The following NETO1 variants were observed in gnomAD, a reference collection of about 807,000 sequenced individuals.
NETO1 encodes the protein neuropilin and tolloid like 1, also known as neuropilin and tolloid-like protein 1.
In NETO1, 26 loss-of-function variants were observed where a neutral mutation model predicts 61.3. The ratio of observed to expected loss-of-function variants is 0.42; its 90% CI spans 0.31 to 0.59. NETO1 has a LOEUF of 0.59. Ranked by LOEUF, NETO1 falls within the 20% of genes least tolerant of loss-of-function variation. The pLI is 0.12. For missense variants in NETO1, 531 were observed against 662.8 expected (o/e 0.80, Z 2.18); for synonymous variants, 225 against 225.8 (o/e 1.00, Z 0.03).
intron 7 of NETO1, among the ~76,000 whole-genome samples, chr18:72,762,311 C>A (rs2071003567): frequency 6.6e-6 from 1 of 152,032 alleles, no homozygotes. Context: ...CAGGCATGCA[C>A]CACCACGCCC....
At chr18:72,768,688 A>G (rs2071245426) in intron 7 of NETO1, among the ~76,000 whole-genome samples, 1 of 152,196 alleles carries the variant, frequency 6.6e-6, no homozygotes, top group African/African-American at 2.4e-5. Context: ...GCAAATCACA[A>G]AGGCACACAA....
At chr18:72,761,894 T>C (rs756098238) in intron 7 of NETO1, among the ~76,000 whole-genome samples, 3 of 152,132 alleles carry the variant, frequency 2.0e-5, no homozygotes, top group African/African-American at 7.2e-5. Flanking sequence ...CTAAGAAATA[T>C]GGTATGTTAG....
chr18:72,828,356 A>G (rs1043763588), intron 4 of NETO1, among the ~76,000 whole-genome samples: 1 of 152,188 alleles, frequency 6.6e-6, no homozygotes, highest in Admixed American at 6.5e-5. Context: ...CAGAAGCAAC[A>G]TCATCATACA....
Position 72,864,815 on chromosome 18 carries a change from G to A in NETO1, c.213C>T (p.Ile71=), listed in dbSNP as rs2074684437. Residue 71 remains isoleucine (I), a synonymous_variant, in exon 3 of 11, where the codon ATC becomes ATT. Coordinates refer to ENST00000327305, the MANE Select transcript of NETO1 (RefSeq NM_138966.5). ...KYPPDRECIY[I]IEAAPRQCIE... ...GGCACTGTCTCCCCTTACCTTCTAT[G>A]ATGTAGATGCATTCCCGGTCAGGGG... 1.2e-6 allele frequency: 2 copies of A among 1,613,746 alleles called. No individual in the cohort carries two copies. Among genetic ancestry groups the A allele is most frequent in the Non-Finnish European group, 1.7e-6 (2 of 1,179,914 alleles).
At chr18:72,831,770 T>A (rs2073587790) in intron 4 of NETO1, among the ~76,000 whole-genome samples, 1 of 152,046 alleles carries the variant, frequency 6.6e-6, no homozygotes, top group African/African-American at 2.4e-5. Context: ...ATTACGTTTC[T>A]GTGCAAAGCT....
At chr18:72,836,568 A>G (rs1172770622) in intron 4 of NETO1, among the ~76,000 whole-genome samples, 2 of 152,236 alleles carry the variant, frequency 1.3e-5, no homozygotes, top group African/African-American at 4.8e-5. Flanking sequence ...TAATAAATGT[A>G]TAAATAAATG....
At chr18:72,787,845 G>A (rs992128280) in intron 6 of NETO1, among the ~76,000 whole-genome samples, 4 of 152,092 alleles carry the variant, frequency 2.6e-5, no homozygotes, top group Non-Finnish European at 5.9e-5. Flanking sequence ...AGCCCAGAAA[G>A]AAAGTTATAT....
At chr18:72,865,946 G>C (rs1343146442) in intron 1 of NETO1, among the ~76,000 whole-genome samples, 4 of 152,184 alleles carry the variant, frequency 2.6e-5, no homozygotes, top group Non-Finnish European at 5.9e-5. Context: ...TGAGAAACGT[G>C]ATTTCCGAAA....
intron 4 of NETO1, chr18:72,834,437 A>G: frequency 3.1e-6 from 3 of 979,120 alleles, no homozygotes; most frequent in Non-Finnish European, 3.6e-6. Context: ...TTTAAAAAGA[A>G]CACAGAAAAA....
chr18:72,807,509 G>C (rs2145177668), intron 4 of NETO1, among the ~76,000 whole-genome samples: 1 of 152,226 alleles, frequency 6.6e-6, no homozygotes, highest in Non-Finnish European at 1.5e-5. Flanking sequence ...TATAACACGA[G>C]TACACAGAAG....
At chr18:72,799,441 T>A (rs1021158966) in intron 4 of NETO1, among the ~76,000 whole-genome samples, 2 of 152,250 alleles carry the variant, frequency 1.3e-5, no homozygotes, top group African/African-American at 2.4e-5. Context: ...AGTCTTTGAA[T>A]GATTACATAT....
chr18:72,863,481 C>T (rs1335949002), intron 3 of NETO1, among the ~76,000 whole-genome samples: 4 of 152,132 alleles, frequency 2.6e-5, no homozygotes, highest in Non-Finnish European at 5.9e-5. Flanking sequence ...AGGCAGGTAG[C>T]GAGTACCTTT....
chr18:72,809,456 A>T (rs2072789762), intron 4 of NETO1, among the ~76,000 whole-genome samples: 1 of 152,210 alleles, frequency 6.6e-6, no homozygotes, highest in African/African-American at 2.4e-5. Context: ...GGGGTAAAAA[A>T]TATCAACCAG....
chr18:72,865,236 C>T lies in NETO1; in HGVS notation c.34G>A (p.Ala12Thr), dbSNP rs146855996. 6,109 of 1,611,914 alleles carry T rather than the reference C, an allele frequency of 3.8e-3. 34 individuals are homozygous for T. The highest frequency in any genetic ancestry group is 4.3e-3 in the Non-Finnish European group (5,070 of 1,178,666). ...GACAAATGGAGGATGATTAAACTTG[C>T]TACAACTGAAACAGAAAAGAAAAAT... is the stretch of plus-strand genomic sequence containing the variant. ...IHGRSVLHIVASLIILHLSGA... is the reference protein window; with the variant it reads ...IHGRSVLHIVTSLIILHLSGA... Residue 12 changes from alanine to threonine, a missense_variant, in exon 2 of 11, where the codon GCA (alanine) becomes ACA (threonine). Ala to Thr is a moderately conservative substitution (Grantham distance 58). Coordinates refer to ENST00000327305, the MANE Select transcript of NETO1 (RefSeq NM_138966.5).
chr18:72,786,980 A>T (rs1190527425), intron 6 of NETO1, among the ~76,000 whole-genome samples: 1 of 151,290 alleles, frequency 6.6e-6, no homozygotes, highest in Non-Finnish European at 1.5e-5. Context: ...CCAGGATCAT[A>T]AGTGAATTAA....
chr18:72,790,395 T>C (rs976274875), intron 6 of NETO1, among the ~76,000 whole-genome samples: 6 of 152,138 alleles, frequency 3.9e-5, no homozygotes, highest in African/African-American at 1.4e-4. Context: ...CCTCAAAGAA[T>C]GTGGTTTTGT....
At chr18:72,795,291 C>T (rs1392258697) in intron 4 of NETO1, among the ~76,000 whole-genome samples, 1 of 152,128 alleles carries the variant, frequency 6.6e-6, no homozygotes, top group Non-Finnish European at 1.5e-5. Context: ...AAGGTGTATA[C>T]CATTTTTCTG....
chr18:72,758,888 A>C (rs1468959618), intron 7 of NETO1, among the ~76,000 whole-genome samples: 1 of 152,116 alleles, frequency 6.6e-6, no homozygotes, highest in African/African-American at 2.4e-5. Context: ...GCAATGTATA[A>C]AATTGTACAT....
rs371964955 is a variant in NETO1, at chr18:72,858,896, T to C, written c.399A>G (p.Leu133=). ...CTCCATCAGCAAAAAATTTAATCCA[T>C]AGAAATCTTCCACTGGATTTTATGA... ...PPVIKSSGRF[L]WIKFFADGEL... Residue 133 remains leucine, a synonymous_variant, in exon 4 of 11, where the codon CTA becomes CTG. Transcript: ENST00000327305. 96 of 1,613,904 alleles carry C rather than the reference T, an allele frequency of 5.9e-5. No individual in the cohort carries two copies. Among genetic ancestry groups the C allele is most frequent in the South Asian group, 4.0e-4 (36 of 91,062 alleles).
Sources: allele counts gnomAD v4.1 joint callset (sites outside exome capture counted in the v4.1 genomes callset), GRCh38; gene constraint gnomAD v4.1.1; transcripts MANE v1.5; gene names NCBI Gene and HGNC (gene_info 2026-07-23, HGNC 2026-07-21).